The following TTC28 variants were observed in gnomAD, a reference collection of about 807,000 sequenced individuals.
The protein encoded by TTC28 is tetratricopeptide repeat domain 28.
A neutral mutation model predicts 198.0 loss-of-function variants in TTC28; 61 were observed. That is an observed-to-expected ratio of 0.31 (90% CI 0.25 to 0.38). TTC28 has a LOEUF of 0.38. Among genes scored for constraint, TTC28 ranks in the 10% least tolerant of loss-of-function variants. The pLI is 1.00. For synonymous variants in TTC28, 1,171 were observed against 1,297.8 expected, an observed-to-expected ratio of 0.90 and a Z score of 2.10; for missense variants, 2,678 against 3,164.0, an observed-to-expected ratio of 0.85 and a Z score of 3.69.
chr22:28,094,260 G>A lies in TTC28; in HGVS notation c.3767-15C>T, dbSNP rs1051868560. On this transcript the variant is annotated splice_polypyrimidine_tract_variant and intron_variant, in intron 11 of 22. Transcript: ENST00000397906. ...CTTCACAATTCCTGAAGCAAAACAG[G>A]CACAGCCAACATTATACACAATTAG... is the stretch of plus-strand genomic sequence containing the variant. The A allele has an allele frequency of 6.5e-7, 1 of 1,537,266 alleles. No individual in the cohort carries two copies. Among genetic ancestry groups the A allele is most frequent in the Non-Finnish European group, 8.8e-7 (1 of 1,140,402 alleles).
At position 28,523,971 on chromosome 22, in the gene TTC28, T is replaced by A. The variant is rs1303323549; in HGVS notation, c.381+105581A>T. On this transcript the variant is annotated intron_variant, in intron 2 of 22. Transcript: ENST00000397906. ...CTCCTTTCAATCCCTTTTCCTCCTTTCTCCCTTTTTTCTTCCGCCCCCTTA... is the reference window on the plus strand; with the variant it reads ...CTCCTTTCAATCCCTTTTCCTCCTTACTCCCTTTTTTCTTCCGCCCCCTTA... Among the ~76,000 whole-genome samples the A allele has an allele frequency of 3.9e-5, 6 of 152,126 alleles. No homozygotes were observed. In the East Asian group the frequency reaches 1.2e-3, roughly 29 times the overall value.
intron 5 of TTC28, among the ~76,000 whole-genome samples, chr22:28,177,397 A>G (rs991442885): frequency 6.6e-6 from 1 of 152,200 alleles, no homozygotes; most frequent in Non-Finnish European, 1.5e-5. Flanking sequence ...ACTCTCATTC[A>G]TAGTCGGAAG....
chr22:28,393,164 T>A (rs1359650867), intron 2 of TTC28, among the ~76,000 whole-genome samples: 1 of 152,198 alleles, frequency 6.6e-6, no homozygotes. Context: ...AATACCCAGA[T>A]GTGAGCCACC....
intron 12 of TTC28, among the ~76,000 whole-genome samples, chr22:28,090,526 C>G (rs1046751502): frequency 1.3e-5 from 2 of 152,078 alleles, no homozygotes; most frequent in African/African-American, 4.8e-5. Flanking sequence ...AGGACAGATA[C>G]TAGTATGTAC....
intron 5 of TTC28, among the ~76,000 whole-genome samples, chr22:28,258,814 G>A (rs1297841705): frequency 6.6e-6 from 1 of 152,066 alleles, no homozygotes; most frequent in Non-Finnish European, 1.5e-5. Context: ...GTCAAGAGCT[G>A]ATGAAGAAGA....
At chr22:28,018,294 TGTGTGCGCGCGCG>T (rs1432950770) in intron 13 of TTC28, among the ~76,000 whole-genome samples, 13 of 56,704 alleles carry the variant, frequency 2.3e-4, no homozygotes, top group Non-Finnish European at 3.9e-4. Flanking sequence ...TGTGCGCGCG[TGTGTGCGCGCGCG>T]GGGGGGGGGG....
chr22:28,581,156 T>A (rs2050228759), intron 2 of TTC28, among the ~76,000 whole-genome samples: 1 of 152,104 alleles, frequency 6.6e-6, no homozygotes, highest in South Asian at 2.1e-4. Flanking sequence ...GTTCTTGTGA[T>A]AGTGAGTGAG....
At chr22:28,069,659 T>C (rs1940885902) in intron 12 of TTC28, among the ~76,000 whole-genome samples, 1 of 152,170 alleles carries the variant, frequency 6.6e-6, no homozygotes, top group African/African-American at 2.4e-5. Flanking sequence ...TGGATTCTCT[T>C]GCCTGTTTGA....
At chr22:28,081,539 C>G (rs906859081) in intron 12 of TTC28, among the ~76,000 whole-genome samples, 6 of 148,158 alleles carry the variant, frequency 4.0e-5, no homozygotes, top group African/African-American at 1.5e-4. Flanking sequence ...ATTGCCTAGG[C>G]TGGAGTGCAG....
intron 2 of TTC28, among the ~76,000 whole-genome samples, chr22:28,537,184 T>G (rs1386333088): frequency 6.6e-6 from 1 of 151,360 alleles, no homozygotes; most frequent in Non-Finnish European, 1.5e-5. Context: ...TCCCAGCTAC[T>G]CGGGAGGCCG....
intron 12 of TTC28, among the ~76,000 whole-genome samples, chr22:28,076,207 T>G (rs1941160720): frequency 6.6e-6 from 1 of 152,234 alleles, no homozygotes; most frequent in African/African-American, 2.4e-5. Context: ...TCAGTCTCAA[T>G]TAGCAAACAA....
intron 2 of TTC28, among the ~76,000 whole-genome samples, chr22:28,398,421 G>T (rs2046850539): frequency 6.6e-6 from 1 of 152,158 alleles, no homozygotes; most frequent in Admixed American, 6.5e-5. Flanking sequence ...GAAAACATGG[G>T]AACAAAAATT....
At chr22:28,170,619 C>G (rs1922575801) in intron 5 of TTC28, among the ~76,000 whole-genome samples, 1 of 152,154 alleles carries the variant, frequency 6.6e-6, no homozygotes, top group Non-Finnish European at 1.5e-5. Flanking sequence ...TGTCTTCTTC[C>G]ACGGTAAATG....
chr22:28,285,789 C>G (rs1198278461), intron 5 of TTC28, among the ~76,000 whole-genome samples: 1 of 152,094 alleles, frequency 6.6e-6, no homozygotes, highest in Non-Finnish European at 1.5e-5. Flanking sequence ...TTCTCAGATG[C>G]TATTCTAGTT....
At chr22:28,455,674 A>T (rs1343127802) in intron 2 of TTC28, among the ~76,000 whole-genome samples, 3 of 151,588 alleles carry the variant, frequency 2.0e-5, no homozygotes, top group African/African-American at 7.3e-5. Context: ...AGATTGCACC[A>T]CTGCACTCAA....
intron 2 of TTC28, among the ~76,000 whole-genome samples, chr22:28,460,797 C>T (rs1250273133): frequency 6.6e-6 from 1 of 152,116 alleles, no homozygotes; most frequent in Non-Finnish European, 1.5e-5. Context: ...AATACTCCTG[C>T]CTCAGCCTCC....
intron 2 of TTC28, among the ~76,000 whole-genome samples, chr22:28,540,896 A>G (rs963963614): frequency 6.6e-6 from 1 of 152,212 alleles, no homozygotes; most frequent in African/African-American, 2.4e-5. Flanking sequence ...GAATCTTTCC[A>G]GATCCAGTCT....
intron 5 of TTC28, among the ~76,000 whole-genome samples, chr22:28,168,991 T>C (rs1010420261): frequency 5.1e-4 from 77 of 151,336 alleles, no homozygotes; most frequent in South Asian, 8.4e-4. Context: ...AAACAAACAA[T>C]CCCATCAAAA....
In TTC28 at chr22:28,530,170, T is replaced by A. The variant is rs186320955; in HGVS notation, c.381+99382A>T. Among the ~76,000 whole-genome samples, 286 of 152,274 alleles carry A rather than the reference T, an allele frequency of 1.9e-3. 1 individual carries two copies. Among genetic ancestry groups the A allele is most frequent in the African/African-American group, 5.4e-3 (225 of 41,552 alleles). ...GAAGCTAAAAACCTTGAAAAAAGAT[T>A]GGATGAATGGCTAACTAGAATAAAC... On this transcript the variant is annotated intron_variant, in intron 2 of 22. Coordinates refer to ENST00000397906, the MANE Select transcript of TTC28 (RefSeq NM_001145418.2).
Sources: allele counts gnomAD v4.1 joint callset (sites outside exome capture counted in the v4.1 genomes callset), GRCh38; gene constraint gnomAD v4.1.1; transcripts MANE v1.5; gene names NCBI Gene and HGNC (gene_info 2026-07-23, HGNC 2026-07-21).